The following PCCA variants were observed in gnomAD, a reference collection of about 807,000 sequenced individuals.
The protein encoded by PCCA is propionyl-CoA carboxylase alpha chain, mitochondrial.
PCCA carries 74 observed loss-of-function variants against 101.3 expected under a neutral mutation model. The observed-to-expected ratio is 0.73, with a 90% CI of 0.61 to 0.89. The LOEUF (loss-of-function observed/expected upper bound fraction) is 0.89, where lower values mean the gene tolerates loss of function less well. PCCA is among the 40% of genes least tolerant of loss of function. PCCA has a pLI of 0.00. For synonymous variants in PCCA, 294 were observed against 313.6 expected (o/e 0.94, Z 0.66); for missense variants, 891 against 907.0 (o/e 0.98, Z 0.23).
chr13:100,441,475 GTT>G (rs1296270935), intron 20 of PCCA, among the ~76,000 whole-genome samples: 1 of 152,150 alleles, frequency 6.6e-6, no homozygotes, highest in Non-Finnish European at 1.5e-5. Context: ...TTTTGCAAAT[GTT>G]TTTGCCTTTG....
intron 17 of PCCA, among the ~76,000 whole-genome samples, chr13:100,336,871 T>C (rs2070548527): frequency 6.6e-6 from 1 of 152,174 alleles, no homozygotes. Context: ...TCTAGACCTG[T>C]AACAAGTACA....
chr13:100,421,831 C>T (rs1353743666), intron 19 of PCCA, among the ~76,000 whole-genome samples: 6 of 151,964 alleles, frequency 3.9e-5, no homozygotes, highest in African/African-American at 1.2e-4. Context: ...ACTACAGGCA[C>T]CCACTACCAT....
intron 21 of PCCA, among the ~76,000 whole-genome samples, chr13:100,493,118 C>T: frequency 6.6e-6 from 1 of 152,226 alleles, no homozygotes; most frequent in Admixed American, 6.5e-5. Flanking sequence ...AACAGACCCC[C>T]AGACACTACC....
intron 20 of PCCA, 127 bp from the exon 21 acceptor site, chr13:100,449,125 A>G: frequency 1.7e-6 from 1 of 589,552 alleles, no homozygotes. Flanking sequence ...ATTCCACTGT[A>G]TGGCTATACT....
chr13:100,302,956 TG>T lies in PCCA; in HGVS notation c.1245del (p.Arg416AspfsTer33), dbSNP rs1242396558. 1 of 1,606,998 alleles carries T rather than the reference TG, an allele frequency of 6.2e-7. No homozygotes were observed. Among genetic ancestry groups the T allele is most frequent in the African/African-American group, 1.3e-5 (1 of 74,772 alleles). ...PYKSFGLPSI[G>X]RLSQYQEPLH... ...ACAAGTCTTTTGGTTTACCATCTAT[TG>T]GGAGATTGTCTCAGTACCAAGAACC... On this transcript the variant is annotated frameshift_variant, in exon 14 of 24. Transcript: ENST00000376285. LOFTEE classifies it high-confidence loss of function.
intron 8 of PCCA, among the ~76,000 whole-genome samples, chr13:100,256,103 G>A (rs2062055346): frequency 6.6e-6 from 1 of 152,104 alleles, no homozygotes; most frequent in African/African-American, 2.4e-5. Context: ...CGCCTCCCAG[G>A]TTCAAGCGAT....
chr13:100,165,340 C>T (rs1265401036), intron 6 of PCCA, among the ~76,000 whole-genome samples: 1 of 152,126 alleles, frequency 6.6e-6, no homozygotes, highest in Non-Finnish European at 1.5e-5. Flanking sequence ...AATGCAAGCT[C>T]TGGGTAATTA....
chr13:100,328,374 A>AATT (rs1566942091), intron 16 of PCCA, among the ~76,000 whole-genome samples: 1 of 13,306 alleles, frequency 7.5e-5, no homozygotes, highest in East Asian at 7.0e-4. Context: ...AAAAATATAT[A>AATT]ATAATAATAA....
At position 100,218,088 on chromosome 13, in the gene PCCA, A is replaced by AC. The variant is rs536733268; in HGVS notation, c.600+8625_600+8626insC. ...AGACTCTGTCTAAAAAAAAAAAAAA[A>AC]TCCATTCATTAGTTGAAAGACATTT... On this transcript the variant is annotated intron_variant, in intron 7 of 23. Coordinates refer to ENST00000376285, the MANE Select transcript of PCCA (RefSeq NM_000282.4). Among the ~76,000 whole-genome samples, 432 of 151,542 alleles carry AC rather than the reference A, an allele frequency of 2.9e-3. 1 individual carries two copies. Among genetic ancestry groups the AC allele is most frequent in the Middle Eastern group, 0.017 (5 of 290 alleles).
chr13:100,349,983 A>G (rs998318198), intron 18 of PCCA, among the ~76,000 whole-genome samples: 1 of 152,058 alleles, frequency 6.6e-6, no homozygotes, highest in Non-Finnish European at 1.5e-5. Context: ...TTATCTGTTT[A>G]TTTTTCTTTG....
intron 21 of PCCA, among the ~76,000 whole-genome samples, chr13:100,468,262 C>A (rs1393841448): frequency 1.3e-5 from 2 of 152,168 alleles, no homozygotes; most frequent in African/African-American, 4.8e-5. Flanking sequence ...TAGCATCATT[C>A]CTAAGGGCCC....
chr13:100,246,666 T>G (rs904905624), intron 8 of PCCA, among the ~76,000 whole-genome samples: 6 of 152,066 alleles, frequency 3.9e-5, no homozygotes, highest in African/African-American at 1.4e-4. Context: ...AAAAATAGTT[T>G]TTTATTATTA....
chr13:100,376,935 T>C (rs535247652), intron 19 of PCCA, among the ~76,000 whole-genome samples: 4 of 152,316 alleles, frequency 2.6e-5, no homozygotes, highest in African/African-American at 9.6e-5. Context: ...CCTGGTGGTG[T>C]AGGCTTCCAA....
At chr13:100,441,524 C>G (rs567296803) in intron 20 of PCCA, among the ~76,000 whole-genome samples, 68 of 152,220 alleles carry the variant, frequency 4.5e-4, no homozygotes, top group African/African-American at 1.6e-3. Context: ...GAATTTGATT[C>G]TAACAAATGT....
At chr13:100,514,600 AT>A (rs1206373779) in intron 21 of PCCA, among the ~76,000 whole-genome samples, 3 of 152,128 alleles carry the variant, frequency 2.0e-5, no homozygotes, top group Admixed American at 2.0e-4. Context: ...TGGCTCATAG[AT>A]TTATTCACGG....
In PCCA at chr13:100,112,079, T is replaced by C. The variant is rs1421609392; in HGVS notation, c.300+18T>C. ...CTAGTTCTGTAAGTATATTTTTGCTTTGTTTAAATCAGGACTTAATTTTGG... is the reference window on the plus strand; with the variant it reads ...CTAGTTCTGTAAGTATATTTTTGCTCTGTTTAAATCAGGACTTAATTTTGG... On this transcript the variant is annotated intron_variant, in intron 4 of 23. Coordinates refer to ENST00000376285, the MANE Select transcript of PCCA (RefSeq NM_000282.4). 6.3e-7 allele frequency: 1 copy of C among 1,596,726 alleles called. No individual in the cohort carries two copies. The highest frequency in any genetic ancestry group is 8.6e-7 in the Non-Finnish European group (1 of 1,166,154).
rs555632416 is a variant in PCCA, at chr13:100,363,745, T to G, written c.1644-4727T>G. Among the ~76,000 whole-genome samples the G allele has an allele frequency of 1.0e-3, 153 of 152,288 alleles. 4 individuals are homozygous for G. The South Asian group carries it at 0.029, about 28-fold the overall frequency. On this transcript the variant is annotated intron_variant, in intron 18 of 23. Coordinates refer to ENST00000376285, the MANE Select transcript of PCCA (RefSeq NM_000282.4). ...GATGGCACAACAAAAACCAGCTTTT[T>G]TGAGTGTCTGATAATTATGGTTTAA... is the stretch of plus-strand genomic sequence containing the variant.
rs894828176 is a variant in PCCA, at chr13:100,319,487, T to C, written c.1429+9579T>C. 5.3e-5 allele frequency among the ~76,000 whole-genome samples: 8 copies of C among 152,352 alleles called. No homozygotes were observed. In the Middle Eastern group the frequency reaches 0.02, roughly 389 times the overall value. The stretch of plus-strand genomic sequence containing the variant: ...GTTTTAGGCCTAACATATAAGTCTT[T>C]AATCCATCTTGAATGAATTTTTGTA... On this transcript the variant is annotated intron_variant, in intron 16 of 23. Coordinates refer to ENST00000376285, the MANE Select transcript of PCCA (RefSeq NM_000282.4).
intron 4 of PCCA, among the ~76,000 whole-genome samples, chr13:100,119,483 A>G (rs940243975): frequency 6.6e-6 from 1 of 152,166 alleles, no homozygotes; most frequent in African/African-American, 2.4e-5. Flanking sequence ...TTTTATATTA[A>G]ATTTTTGGCA....
Sources: allele counts gnomAD v4.1 joint callset (sites outside exome capture counted in the v4.1 genomes callset), GRCh38; gene constraint gnomAD v4.1.1; transcripts MANE v1.5; gene names NCBI Gene and HGNC (gene_info 2026-07-23, HGNC 2026-07-21).